Variants in CALCRL observed in about 807,000 individuals in gnomAD.
CALCRL encodes calcitonin receptor like receptor.
A neutral mutation model predicts 60.4 loss-of-function variants in CALCRL; 27 were observed. The observed-to-expected ratio is 0.45, with a 90% CI of 0.33 to 0.62. The LOEUF is 0.62. CALCRL is among the 20% of genes least tolerant of loss of function. The pLI is 0.03. For synonymous variants in CALCRL, 190 were observed against 182.6 expected, an observed-to-expected ratio of 1.04 and a Z score of -0.33; for missense variants, 424 against 540.7, an observed-to-expected ratio of 0.78 and a Z score of 2.14.
chr2:187,381,242 T>C (rs2105781443), intron 5 of CALCRL, among the ~76,000 whole-genome samples: 1 of 152,152 alleles, frequency 6.6e-6, no homozygotes, highest in African/African-American at 2.4e-5. Context: ...TATTATACCA[T>C]TGTAACCCTG....
chr2:187,441,417 G>C (rs1690901564), intron 1 of CALCRL, among the ~76,000 whole-genome samples: 1 of 152,038 alleles, frequency 6.6e-6, no homozygotes, highest in Non-Finnish European at 1.5e-5. Context: ...GTGGCAGCCA[G>C]TATGGATTAA....
intron 1 of CALCRL, among the ~76,000 whole-genome samples, chr2:187,434,488 T>G (rs1026310837): frequency 6.6e-6 from 1 of 152,148 alleles, no homozygotes; most frequent in African/African-American, 2.4e-5. Context: ...TTGACAATAA[T>G]ACACAGCATT....
At chr2:187,416,263 A>G (rs1490085171) in intron 1 of CALCRL, among the ~76,000 whole-genome samples, 2 of 152,214 alleles carry the variant, frequency 1.3e-5, no homozygotes, top group African/African-American at 2.4e-5. Flanking sequence ...ACTAATGGTA[A>G]TCTAATAAAG....
intron 3 of CALCRL, among the ~76,000 whole-genome samples, chr2:187,386,446 A>G (rs1336037662): frequency 6.6e-6 from 1 of 152,184 alleles, no homozygotes; most frequent in Non-Finnish European, 1.5e-5. Flanking sequence ...TTTTAAAATT[A>G]GGAAATAAAA....
intron 8 of CALCRL, among the ~76,000 whole-genome samples, chr2:187,374,111 T>G (rs954348008): frequency 3.3e-5 from 5 of 152,242 alleles, no homozygotes; most frequent in Middle Eastern, 3.4e-3. Flanking sequence ...GAAGCTGTAG[T>G]GAGCTATGAT....
In CALCRL at chr2:187,442,091, TATATATATATATATAC is replaced by T. The variant is rs1340337415; in HGVS notation, c.-293+5932_-293+5947del. The T allele has an allele frequency of 3.7e-3, 405 of 109,328 alleles. 4 individuals carry two copies. Among genetic ancestry groups the T allele is most frequent in the African/African-American group, 0.014 (366 of 26,100 alleles). 6.8% of individuals were successfully genotyped at this position (109,328 alleles called of 1,614,324 possible). A position where few individuals can be genotyped will look rare whatever the true frequency, so the allele number is the denominator to read the frequency against. On this transcript the variant is annotated intron_variant, in intron 1 of 14. Coordinates refer to ENST00000392370, the MANE Select transcript of CALCRL (RefSeq NM_005795.6). ...AACATTATATATATATATATATATA[TATATATATATATATAC>T]ATACACACACATATACATATACATA...
intron 10 of CALCRL, among the ~76,000 whole-genome samples, chr2:187,359,625 C>T (rs2105724214): frequency 6.6e-6 from 1 of 152,160 alleles, no homozygotes; most frequent in Admixed American, 6.5e-5. Context: ...AATTGGCCAA[C>T]ATTTGGTACA....
intron 1 of CALCRL, among the ~76,000 whole-genome samples, chr2:187,396,642 A>T (rs1688666066): frequency 6.6e-6 from 1 of 151,836 alleles, no homozygotes; most frequent in South Asian, 2.1e-4. Context: ...AAGCCATTAA[A>T]TTCCTATGGA....
rs201103022 is a variant in CALCRL at position 187,422,182 on chromosome 2, A to G, written c.-293+25857T>C. On this transcript the variant is annotated intron_variant, in intron 1 of 14. Transcript: ENST00000392370. The stretch of plus-strand genomic sequence containing the variant: ...TTTTATTACTAAAATTCCAATAAAA[A>G]ATTAGTGTTTCTAGAAAATAGATAT... Among the ~76,000 whole-genome samples, 12 of 152,332 alleles carry G rather than the reference A, an allele frequency of 7.9e-5. No individual in the cohort carries two copies. In the East Asian group the frequency reaches 2.3e-3, roughly 29 times the overall value.
At chr2:187,386,710 G>T (rs1688220124) in intron 3 of CALCRL, among the ~76,000 whole-genome samples, 1 of 28,180 alleles carries the variant, frequency 3.5e-5, no homozygotes, top group Non-Finnish European at 7.1e-5. Flanking sequence ...ATAACTAAAT[G>T]ATATGGTTTG....
intron 14 of CALCRL, among the ~76,000 whole-genome samples, chr2:187,348,495 C>T (rs899723882): frequency 6.6e-6 from 1 of 151,528 alleles, no homozygotes; most frequent in African/African-American, 2.4e-5. Context: ...AATATCTTAG[C>T]TGTGAGTCTA....
chr2:187,367,725 A>T (rs1687356700), intron 8 of CALCRL, among the ~76,000 whole-genome samples: 1 of 152,092 alleles, frequency 6.6e-6, no homozygotes, highest in Admixed American at 6.6e-5. Flanking sequence ...TGTTTACAAA[A>T]ATCCTTCGAT....
intron 5 of CALCRL, among the ~76,000 whole-genome samples, chr2:187,381,921 C>T (rs991390164): frequency 9.2e-5 from 14 of 151,930 alleles, no homozygotes; most frequent in African/African-American, 3.4e-4. Flanking sequence ...AAATAAAAAC[C>T]AACAAAATTT....
chr2:187,366,175 G>A (rs571642149), intron 8 of CALCRL, among the ~76,000 whole-genome samples: 43 of 147,316 alleles, frequency 2.9e-4, no homozygotes, highest in Non-Finnish European at 5.1e-4. Context: ...CCCGGGAAGC[G>A]GAGCTTGCAG....
chr2:187,437,651 A>G (rs1388581478), intron 1 of CALCRL, among the ~76,000 whole-genome samples: 1 of 152,150 alleles, frequency 6.6e-6, no homozygotes, highest in African/African-American at 2.4e-5. Flanking sequence ...TAATTTTAAA[A>G]ACAAAATATA....
intron 8 of CALCRL, among the ~76,000 whole-genome samples, chr2:187,365,517 C>T (rs2105740451): frequency 6.6e-6 from 1 of 152,248 alleles, no homozygotes; most frequent in African/African-American, 2.4e-5. Flanking sequence ...GCGATTTTGT[C>T]ATTTTCTGCT....
intron 1 of CALCRL, chr2:187,436,545 TA>T (rs1690652393): frequency 6.6e-6 from 1 of 152,174 alleles, no homozygotes; most frequent in African/African-American, 2.4e-5. Flanking sequence ...ATTTTTTAAA[TA>T]AATACTTTTC....
intron 8 of CALCRL, 65 bp downstream of exon 8, chr2:187,378,875 G>C: frequency 1.2e-6 from 1 of 833,918 alleles, no homozygotes; most frequent in East Asian, 2.5e-5. Flanking sequence ...ATGTAAATAT[G>C]CACATGATGG....
chr2:187,420,272 A>C (rs1689811777), intron 1 of CALCRL, among the ~76,000 whole-genome samples: 2 of 152,136 alleles, frequency 1.3e-5, no homozygotes, highest in African/African-American at 4.8e-5. Context: ...TCATTTAATG[A>C]ACTAGATCTG....
Sources: gnomAD v4.1 joint callset for allele counts (sites outside exome capture counted in the v4.1 genomes callset) on GRCh38, gnomAD v4.1.1 for gene constraint, MANE v1.5 for transcripts, NCBI Gene and HGNC (gene_info 2026-07-23, HGNC 2026-07-21) for gene names.